Variants in PRDM5 observed in about 807,000 individuals in gnomAD.
The protein encoded by PRDM5 is PR domain zinc finger protein 5.
Under a neutral mutation model 81.2 loss-of-function variants are expected in PRDM5, and 56 were observed. The ratio of observed to expected loss-of-function variants is 0.69; its 90% confidence interval spans 0.56 to 0.86. The LOEUF is 0.86. Among genes scored for constraint, PRDM5 ranks in the 40% least tolerant of loss-of-function variants. The pLI is 0.00. For synonymous variants in PRDM5, 267 were observed against 256.4 expected (o/e 1.04, Z -0.39); for missense variants, 697 against 770.1 (o/e 0.91, Z 1.12).
intron 8 of PRDM5, among the ~76,000 whole-genome samples, chr4:120,807,011 AC>A (rs1386029311): frequency 1.3e-5 from 2 of 152,214 alleles, no homozygotes; most frequent in African/African-American, 4.8e-5. Context: ...AAGAAAAAAA[AC>A]AAACAACCCC....
At chr4:120,787,914 T>C (rs2149256499) in intron 10 of PRDM5, among the ~76,000 whole-genome samples, 1 of 152,282 alleles carries the variant, frequency 6.6e-6, no homozygotes, top group Middle Eastern at 3.4e-3. Flanking sequence ...AAGCCATGAA[T>C]ATGATAAAGG....
At chr4:120,915,104 T>C (rs1723969313) in intron 1 of PRDM5, among the ~76,000 whole-genome samples, 1 of 152,062 alleles carries the variant, frequency 6.6e-6, no homozygotes, top group Non-Finnish European at 1.5e-5. Context: ...ATACAATTCA[T>C]CCATGTAACC....
chr4:120,916,336 G>A (rs1366891749), intron 1 of PRDM5, among the ~76,000 whole-genome samples: 2 of 152,168 alleles, frequency 1.3e-5, no homozygotes, highest in East Asian at 3.9e-4. Flanking sequence ...GCAGTGAGCT[G>A]AGATCGCACC....
intron 3 of PRDM5, 48 bp downstream of exon 3, chr4:120,853,370 C>T (rs368529946): frequency 2.5e-6 from 4 of 1,612,202 alleles, no homozygotes; most frequent in Non-Finnish European, 3.4e-6. Context: ...TATATTAATT[C>T]ATCCCCCCTC....
At chr4:120,871,338 C>T (rs955973514) in intron 2 of PRDM5, among the ~76,000 whole-genome samples, 1 of 152,188 alleles carries the variant, frequency 6.6e-6, no homozygotes, top group Non-Finnish European at 1.5e-5. Context: ...CACTGACTGA[C>T]AGGTCACAGC....
At chr4:120,901,236 C>G (rs1765188673) in intron 2 of PRDM5, among the ~76,000 whole-genome samples, 1 of 152,114 alleles carries the variant, frequency 6.6e-6, no homozygotes, top group Admixed American at 6.5e-5. Flanking sequence ...TCACCCTGTT[C>G]CCACCATGAT....
chr4:120,794,514 A>AACAC (rs70948364), intron 10 of PRDM5, among the ~76,000 whole-genome samples: 6,786 of 143,608 alleles, frequency 0.047, 175 homozygotes, highest in Middle Eastern at 0.11. Flanking sequence ...TCCAAAATCT[A>AACAC]ACACACACAC....
At chr4:120,852,590 A>AG (rs1759394730) in intron 3 of PRDM5, among the ~76,000 whole-genome samples, 1 of 152,060 alleles carries the variant, frequency 6.6e-6, no homozygotes, top group Non-Finnish European at 1.5e-5. Flanking sequence ...AAACTGGTAC[A>AG]TCAGCAATGT....
At chr4:120,801,296 T>C (rs1001626556) in intron 8 of PRDM5, among the ~76,000 whole-genome samples, 1 of 152,082 alleles carries the variant, frequency 6.6e-6, no homozygotes, top group Non-Finnish European at 1.5e-5. Flanking sequence ...GAGTAATGAG[T>C]GGAGGACTCG....
intron 11 of PRDM5, 79 bp from the exon 12 acceptor site, chr4:120,781,382 C>T: frequency 7.5e-7 from 1 of 1,327,126 alleles, no homozygotes; most frequent in Non-Finnish European, 1.1e-6. Flanking sequence ...GACTTAGTTG[C>T]TTTCTCCAAA....
At chr4:120,715,756 A>C (rs1174290101) in intron 14 of PRDM5, among the ~76,000 whole-genome samples, 2 of 152,352 alleles carry the variant, frequency 1.3e-5, no homozygotes, top group East Asian at 3.9e-4. Context: ...TTGTGAAGAC[A>C]TGATGGGCAT....
At chr4:120,743,017 G>A (rs1317232115) in intron 14 of PRDM5, among the ~76,000 whole-genome samples, 1 of 151,478 alleles carries the variant, frequency 6.6e-6, no homozygotes, top group Non-Finnish European at 1.5e-5. Flanking sequence ...AAATGTTAAG[G>A]GCAGCCAGAG....
At chr4:120,704,313 T>G (rs1735800424) in intron 15 of PRDM5, among the ~76,000 whole-genome samples, 1 of 152,162 alleles carries the variant, frequency 6.6e-6, no homozygotes, top group African/African-American at 2.4e-5. Context: ...ATGCTCTGTA[T>G]AAATCAGCCA....
At chr4:120,815,706 A>G (rs549099269) in intron 7 of PRDM5, among the ~76,000 whole-genome samples, 1 of 152,338 alleles carries the variant, frequency 6.6e-6, no homozygotes, top group Admixed American at 6.5e-5. Context: ...TGAACAAAGA[A>G]TATGAAGAGA....
In PRDM5 at chr4:120,754,589, AT is replaced by A; in HGVS notation, c.1586del (p.Asn529MetfsTer4). 1 of 1,600,574 alleles carries A rather than the reference AT, an allele frequency of 6.2e-7. No individual in the cohort carries two copies. Among genetic ancestry groups the A allele is most frequent in the Non-Finnish European group, 8.6e-7 (1 of 1,167,836 alleles). On this transcript the variant is annotated frameshift_variant, in exon 14 of 16. Coordinates refer to ENST00000264808, the MANE Select transcript of PRDM5 (RefSeq NM_018699.4). LOFTEE classifies it high-confidence loss of function. ...TACGAATGTGCATCTTCAGTCCATC[AT>A]TTTTACTGAATCCTTTTTCACAGTA... ...CPYCEKGFSK[N>X]DGLKMHIRTH...
intron 1 of PRDM5, among the ~76,000 whole-genome samples, chr4:120,918,745 G>A (rs1296948946): frequency 2.0e-5 from 3 of 149,944 alleles, no homozygotes; most frequent in Non-Finnish European, 3.0e-5. Flanking sequence ...GGAGGGAGTT[G>A]ACACTGTGGA....
chr4:120,892,406 G>C (rs1764156865), intron 2 of PRDM5, among the ~76,000 whole-genome samples: 1 of 152,066 alleles, frequency 6.6e-6, no homozygotes, highest in Non-Finnish European at 1.5e-5. Context: ...CTGTCAAGTG[G>C]GGCGTTGAAG....
At chr4:120,840,613 G>T (rs1757918015) in intron 3 of PRDM5, among the ~76,000 whole-genome samples, 1 of 152,072 alleles carries the variant, frequency 6.6e-6, no homozygotes, top group South Asian at 2.1e-4. Context: ...CCCCCCATGG[G>T]CAAGCACAGC....
chr4:120,893,655 T>TGG (rs1407261544), intron 2 of PRDM5, among the ~76,000 whole-genome samples: 1 of 152,226 alleles, frequency 6.6e-6, no homozygotes, highest in Non-Finnish European at 1.5e-5. Context: ...TTGTTCCTGT[T>TGG]TATTCTATCA....
Sources: allele counts gnomAD v4.1 joint callset (sites outside exome capture counted in the v4.1 genomes callset), GRCh38; gene constraint gnomAD v4.1.1; transcripts MANE v1.5; gene names NCBI Gene and HGNC (gene_info 2026-07-23, HGNC 2026-07-21).